Variants in CRY1 observed in about 807,000 individuals in gnomAD.
CRY1 encodes cryptochrome circadian regulator 1.
CRY1 carries 45 observed loss-of-function variants against 76.0 expected under a neutral mutation model. The observed-to-expected ratio is 0.59, with a 90% confidence interval of 0.47 to 0.76. CRY1 has a LOEUF of 0.76. CRY1 is among the 30% of genes least tolerant of loss of function. The pLI, the probability that CRY1 is intolerant of heterozygous loss-of-function variation, is 0.00. For synonymous variants in CRY1, 248 were observed against 244.0 expected (o/e 1.02, Z -0.15); for missense variants, 587 against 716.4 (o/e 0.82, Z 2.06).
At chr12:107,011,814 C>G (rs1453121901) in intron 2 of CRY1, among the ~76,000 whole-genome samples, 1 of 152,222 alleles carries the variant, frequency 6.6e-6, no homozygotes, top group African/African-American at 2.4e-5. Flanking sequence ...GGTGGCTACA[C>G]TAAACTACAG....
Position 107,009,547 on chromosome 12 carries a change from C to CA in CRY1, c.268-4300dup, listed in dbSNP as rs1428677003. Among the ~76,000 whole-genome samples the CA allele has an allele frequency of 1.0e-4, 4 of 39,124 alleles. No individual in the cohort carries two copies. In the Admixed American group the frequency reaches 1.5e-3, roughly 15 times the overall value. 25.7% of individuals were successfully genotyped at this position (39,124 alleles called of 152,430 possible). The stretch of plus-strand genomic sequence containing the variant: ...GAGCAAGACTCCATCTCAGAAAAAA[C>CA]AAAAAAACAAAAAAACATATATATA... On this transcript the variant is annotated intron_variant, in intron 2 of 12. Coordinates refer to ENST00000008527, the MANE Select transcript of CRY1 (RefSeq NM_004075.5).
At chr12:107,053,727 AG>A (rs1285488356) in intron 1 of CRY1, among the ~76,000 whole-genome samples, 1 of 152,258 alleles carries the variant, frequency 6.6e-6, no homozygotes, top group African/African-American at 2.4e-5. Flanking sequence ...ACAGGTTTCA[AG>A]GAGCACTGTA....
At chr12:107,069,909 GA>G in intron 1 of CRY1, among the ~76,000 whole-genome samples, 1 of 151,636 alleles carries the variant, frequency 6.6e-6, no homozygotes, top group Non-Finnish European at 1.5e-5. Context: ...TTAGTAACTA[GA>G]AAAGTACAAA....
At chr12:107,011,853 A>T (rs1207563748) in intron 2 of CRY1, among the ~76,000 whole-genome samples, 1 of 152,220 alleles carries the variant, frequency 6.6e-6, no homozygotes, top group Admixed American at 6.5e-5. Context: ...GCAGCCTTCT[A>T]TTGGAAGAAG....
In CRY1 at chr12:107,068,254, G is replaced by T. The variant is rs150824017; in HGVS notation, c.158+24550C>A. Among the ~76,000 whole-genome samples the T allele has an allele frequency of 6.8e-3, 1,038 of 152,218 alleles. 18 individuals are homozygous for T. Among genetic ancestry groups the T allele is most frequent in the African/African-American group, 0.024 (996 of 41,538 alleles). The stretch of plus-strand genomic sequence containing the variant: ...TCTCTGATATATAGGGAAACTATTT[G>T]ATTACAATTTTTTGAGGTAAAATTG... On this transcript the variant is annotated intron_variant, in intron 1 of 12. Transcript: ENST00000008527.
At chr12:107,069,444 T>C (rs1953151776) in intron 1 of CRY1, among the ~76,000 whole-genome samples, 1 of 149,826 alleles carries the variant, frequency 6.7e-6, no homozygotes, top group Non-Finnish European at 1.5e-5. Context: ...TATGAAGTGG[T>C]ATTGCACTGT....
chr12:107,052,153 CAAG>C (rs1377109303), intron 1 of CRY1, among the ~76,000 whole-genome samples: 1 of 150,536 alleles, frequency 6.6e-6, no homozygotes, highest in Non-Finnish European at 1.5e-5. Flanking sequence ...AAAAGAAAAT[CAAG>C]AAGGTCATAA....
chr12:107,032,308 G>C (rs1192041642), intron 1 of CRY1, among the ~76,000 whole-genome samples: 1 of 152,190 alleles, frequency 6.6e-6, no homozygotes, highest in Non-Finnish European at 1.5e-5. Context: ...ACAGGATACA[G>C]AGCATACAGG....
intron 1 of CRY1, among the ~76,000 whole-genome samples, chr12:107,043,675 C>A (rs896458717): frequency 5.3e-5 from 8 of 152,204 alleles, no homozygotes; most frequent in Admixed American, 2.0e-4. Flanking sequence ...AGATACCCAT[C>A]TCCCTTGATG....
chr12:107,055,184 C>T (rs970292686), intron 1 of CRY1, among the ~76,000 whole-genome samples: 19 of 152,038 alleles, frequency 1.2e-4, no homozygotes, highest in Admixed American at 9.2e-4. Flanking sequence ...AAATTATTTA[C>T]AGCATAGTCT....
intron 2 of CRY1, among the ~76,000 whole-genome samples, chr12:107,006,837 A>G (rs920878120): frequency 5.9e-5 from 9 of 152,102 alleles, no homozygotes; most frequent in East Asian, 1.9e-4. Flanking sequence ...TTTTCAGTAG[A>G]GAAGGCATTT....
chr12:107,067,012 G>A (rs1048526363), intron 1 of CRY1, among the ~76,000 whole-genome samples: 3 of 148,478 alleles, frequency 2.0e-5, no homozygotes, highest in African/African-American at 7.5e-5. Flanking sequence ...GTCTCACTAT[G>A]TTGCCCAGGC....
At chr12:107,051,940 T>C (rs954784637) in intron 1 of CRY1, among the ~76,000 whole-genome samples, 27 of 111,646 alleles carry the variant, frequency 2.4e-4, no homozygotes, top group Non-Finnish European at 4.3e-4. Flanking sequence ...GTTAAGCATT[T>C]GTAAAAGGCA....
In CRY1 at chr12:107,072,920, C is replaced by T. The variant is rs569132735; in HGVS notation, c.158+19884G>A. On this transcript the variant is annotated intron_variant, in intron 1 of 12. Coordinates refer to ENST00000008527, the MANE Select transcript of CRY1 (RefSeq NM_004075.5). ...AAAATATTAAAAATTTACATTAACA[C>T]TTATATTTACTTACCTCACTGAATT... is the stretch of plus-strand genomic sequence containing the variant. The T allele has an allele frequency of 3.5e-4, 53 of 152,154 alleles. 1 individual carries two copies. Among genetic ancestry groups the T allele is most frequent in the Middle Eastern group, 3.4e-3 (1 of 294 alleles). 9.4% of individuals were successfully genotyped at this position (152,154 alleles called of 1,614,324 possible). A position where few individuals can be genotyped will look rare whatever the true frequency, so the allele number is the denominator to read the frequency against.
rs971258504 is a variant in CRY1 at position 107,001,759 on chromosome 12, C to T, written c.595+5G>A. ...AGCCTCACACTGACTACAGTTTACA[C>T]TCACCTAGCTCTTCCAGTGAAGGGA... On this transcript the variant is annotated splice_donor_5th_base_variant and intron_variant, in intron 4 of 12. Coordinates refer to ENST00000008527, the MANE Select transcript of CRY1 (RefSeq NM_004075.5). 2 of 1,536,130 alleles carry T rather than the reference C, an allele frequency of 1.3e-6. No homozygotes were observed. Among genetic ancestry groups the T allele is most frequent in the Admixed American group, 2.5e-5 (1 of 39,748 alleles).
chr12:107,087,234 T>C (rs1277939219), intron 1 of CRY1, among the ~76,000 whole-genome samples: 1 of 150,722 alleles, frequency 6.6e-6, no homozygotes, highest in East Asian at 1.9e-4. Flanking sequence ...GCTCACCTCT[T>C]GGACCAGTGT....
rs375403668 is a variant in CRY1, at chr12:107,001,761, C to T, written c.595+3G>A. ...CCTCACACTGACTACAGTTTACACT[C>T]ACCTAGCTCTTCCAGTGAAGGGACT... On this transcript the variant is annotated splice_donor_region_variant and intron_variant, in intron 4 of 12. Transcript: ENST00000008527. The T allele has an allele frequency of 5.2e-6, 8 of 1,547,162 alleles. No individual in the cohort carries two copies. The highest frequency in any genetic ancestry group is 1.4e-5 in the African/African-American group (1 of 70,408).
In CRY1 at chr12:107,056,683, C is replaced by T. The variant is rs146588613; in HGVS notation, c.159-34491G>A. On this transcript the variant is annotated intron_variant, in intron 1 of 12. Coordinates refer to ENST00000008527, the MANE Select transcript of CRY1 (RefSeq NM_004075.5). ...GGCCCAGGGAAGCCAAAAGATTGTT[C>T]TAGAGGAAGACAACCTTATAAAAGG... is the stretch of plus-strand genomic sequence containing the variant. Among the ~76,000 whole-genome samples, 302 of 151,890 alleles carry T rather than the reference C, an allele frequency of 2.0e-3. 1 individual carries two copies. The highest frequency in any genetic ancestry group is 6.7e-3 in the African/African-American group (276 of 41,412).
At chr12:107,003,357 G>A (rs1484235397) in intron 3 of CRY1, among the ~76,000 whole-genome samples, 2 of 152,050 alleles carry the variant, frequency 1.3e-5, no homozygotes, top group Non-Finnish European at 2.9e-5. Context: ...TTAGCATTTG[G>A]CCTTAATAAA....
Sources: gnomAD v4.1 joint callset for allele counts (sites outside exome capture counted in the v4.1 genomes callset) on GRCh38, gnomAD v4.1.1 for gene constraint, MANE v1.5 for transcripts, NCBI Gene and HGNC (gene_info 2026-07-23, HGNC 2026-07-21) for gene names.